Variants in MAST4 observed in about 807,000 individuals in gnomAD.
The protein encoded by MAST4 is microtubule-associated serine/threonine-protein kinase 4.
In MAST4, 89 loss-of-function variants were observed where a neutral mutation model predicts 162.7. That is an observed-to-expected ratio of 0.55 (90% confidence interval 0.46 to 0.65). MAST4 has a LOEUF of 0.65. Among genes scored for constraint, MAST4 ranks in the 30% least tolerant of loss-of-function variants. The probability of loss-of-function intolerance (pLI) is 0.00; values close to 1 mark genes in which losing one functional copy is unlikely to be tolerated. For synonymous variants in MAST4, 1,479 were observed against 1,361.1 expected, an observed-to-expected ratio of 1.09 and a Z score of -1.91; for missense variants, 3,153 against 3,374.0, an observed-to-expected ratio of 0.93 and a Z score of 1.62.
intron 3 of MAST4, among the ~76,000 whole-genome samples, chr5:66,832,793 A>G (rs1210985201): frequency 6.6e-6 from 1 of 152,216 alleles, no homozygotes; most frequent in Non-Finnish European, 1.5e-5. Context: ...AGATTATAAT[A>G]GAAACATTTA....
intron 2 of MAST4, among the ~76,000 whole-genome samples, chr5:66,773,638 A>G (rs1257768654): frequency 6.6e-6 from 1 of 152,214 alleles, no homozygotes; most frequent in Non-Finnish European, 1.5e-5. Context: ...CTGCTCCCTC[A>G]TGAATGGGAC....
At chr5:66,778,363 G>C (rs942142201) in intron 2 of MAST4, among the ~76,000 whole-genome samples, 1 of 152,130 alleles carries the variant, frequency 6.6e-6, no homozygotes, top group African/African-American at 2.4e-5. Flanking sequence ...GGCCAGGGCT[G>C]GGCCTCATTG....
chr5:66,672,861 A>G (rs979633629), intron 1 of MAST4, among the ~76,000 whole-genome samples: 33 of 152,188 alleles, frequency 2.2e-4, no homozygotes, highest in African/African-American at 7.2e-4. Flanking sequence ...ATAATACTTA[A>G]TGCCTGATTG....
At chr5:66,694,517 C>T (rs944523237) in intron 1 of MAST4, among the ~76,000 whole-genome samples, 5 of 151,350 alleles carry the variant, frequency 3.3e-5, no homozygotes, top group Non-Finnish European at 5.9e-5. Context: ...GTTGGAATCT[C>T]GCTGTGTTGA....
At chr5:67,156,587 G>GTA (rs1287444224) in intron 26 of MAST4, among the ~76,000 whole-genome samples, 1 of 152,248 alleles carries the variant, frequency 6.6e-6, no homozygotes, top group African/African-American at 2.4e-5. Flanking sequence ...TGGCAATTCA[G>GTA]TATATAGTCA....
At chr5:66,759,667 T>A (rs1753741290) in intron 1 of MAST4, 42 bp from the exon 2 acceptor site, 1 of 1,608,900 alleles carries the variant, frequency 6.2e-7, no homozygotes, top group Non-Finnish European at 8.5e-7. Flanking sequence ...CTAGGCTGTG[T>A]TGATGCCCTA....
In MAST4 at chr5:67,165,179, G is replaced by A; in HGVS notation, c.6000G>A (p.Leu2000=). The change falls in exon 29 of 29, where the codon CTG becomes CTA. Residue 2000 remains leucine, a synonymous_variant. Transcript: ENST00000403625. ...ADTCREPSME[L]CFPETAKTSD... ...CATGCAGAGAGCCCTCCATGGAACTGTGCTTTCCAGAAACTGCGAAAACCA... is the reference window on the plus strand; with the variant it reads ...CATGCAGAGAGCCCTCCATGGAACTATGCTTTCCAGAAACTGCGAAAACCA... 6.2e-7 allele frequency: 1 copy of A among 1,605,580 alleles called. No homozygotes were observed. Among genetic ancestry groups the A allele is most frequent in the South Asian group, 1.1e-5 (1 of 89,698 alleles).
Position 67,163,421 on chromosome 5 carries a change from C to G in MAST4, c.4242C>G (p.Pro1414=). The part of the protein sequence containing the change: ...LGNSKIAQAF[P]SKMHSPPTIV... ...ATTCCAAGATCGCGCAAGCCTTTCC[C>G]AGCAAGATGCACTCCCCGCCCACCA... Residue 1414 remains proline (P), a synonymous_variant, in exon 29 of 29, where the codon CCC becomes CCG. Coordinates refer to ENST00000403625, the MANE Select transcript of MAST4 (RefSeq NM_001164664.2). This position sits in a 1 kb window ranked among gnomAD's most constrained non-coding sequence, Gnocchi z 7.0. 6.2e-7 allele frequency: 1 copy of G among 1,613,146 alleles called. No individual in the cohort carries two copies. The highest frequency in any genetic ancestry group is 8.5e-7 in the Non-Finnish European group (1 of 1,179,896).
chr5:66,756,624 G>C (rs765432878), intron 1 of MAST4, among the ~76,000 whole-genome samples: 4 of 152,364 alleles, frequency 2.6e-5, no homozygotes, highest in Non-Finnish European at 5.9e-5. Context: ...GTGTGATGAA[G>C]TGTCTTAAAA....
chr5:66,861,948 A>C (rs767665989), intron 3 of MAST4, among the ~76,000 whole-genome samples: 2 of 152,166 alleles, frequency 1.3e-5, no homozygotes, highest in Non-Finnish European at 2.9e-5. Flanking sequence ...TTCACATAGG[A>C]ACCTGTGTGG....
intron 1 of MAST4, among the ~76,000 whole-genome samples, chr5:66,635,201 C>T (rs1019289582): frequency 1.3e-5 from 2 of 152,178 alleles, no homozygotes; most frequent in Admixed American, 6.5e-5. Context: ...CCTGAACAGC[C>T]GCCATTTCCA....
At chr5:66,664,188 C>T (rs1213217673) in intron 1 of MAST4, among the ~76,000 whole-genome samples, 4 of 152,012 alleles carry the variant, frequency 2.6e-5, no homozygotes, top group African/African-American at 9.7e-5. Context: ...GTAATCCCAG[C>T]ACTTTGGGAG....
At chr5:66,674,965 A>C (rs1263449144) in intron 1 of MAST4, among the ~76,000 whole-genome samples, 1 of 152,228 alleles carries the variant, frequency 6.6e-6, no homozygotes, top group Non-Finnish European at 1.5e-5. Flanking sequence ...GAGGCCAGGC[A>C]GCTAAGAACA....
intron 1 of MAST4, among the ~76,000 whole-genome samples, chr5:66,699,006 A>G (rs1749590550): frequency 1.3e-5 from 2 of 152,212 alleles, no homozygotes; most frequent in South Asian, 4.1e-4. Flanking sequence ...AGTATAAACC[A>G]GTTTATATCA....
At position 67,118,713 on chromosome 5, in the gene MAST4, G is replaced by A; in HGVS notation, c.1623G>A (p.Gly541=). The A allele has an allele frequency of 1.3e-6, 2 of 1,578,750 alleles. No individual in the cohort carries two copies. The highest frequency in any genetic ancestry group is 1.7e-6 in the Non-Finnish European group (2 of 1,159,424). The change falls in exon 13 of 29, where the codon GGG becomes GGA. Residue 541 remains glycine (G), a synonymous_variant. Transcript: ENST00000403625. ...EMAHLGNYDS[G]TAETPETDES... ...CTCATTTGGGAAACTACGATAGTGG[G>A]ACAGCAGAAACACCAGAAACAGATG...
At chr5:67,160,048 A>G (rs777491051) in intron 26 of MAST4, among the ~76,000 whole-genome samples, 3 of 152,242 alleles carry the variant, frequency 2.0e-5, no homozygotes, top group Non-Finnish European at 2.9e-5. Context: ...AGAAGTAGTT[A>G]TCTTATTTAT....
intron 4 of MAST4, among the ~76,000 whole-genome samples, chr5:66,961,652 T>G (rs1316090614): frequency 6.6e-6 from 1 of 152,226 alleles, no homozygotes; most frequent in Non-Finnish European, 1.5e-5. Context: ...CTTTTTTCAT[T>G]GTAAGTATAG....
intron 3 of MAST4, among the ~76,000 whole-genome samples, chr5:66,840,237 C>T (rs1021808827): frequency 2.0e-5 from 3 of 151,908 alleles, no homozygotes; most frequent in African/African-American, 7.2e-5. Flanking sequence ...AGAAATATTT[C>T]ATTTTATATT....
chr5:67,059,111 G>A (rs1759233309), intron 5 of MAST4, among the ~76,000 whole-genome samples: 1 of 152,138 alleles, frequency 6.6e-6, no homozygotes, highest in Admixed American at 6.5e-5. Flanking sequence ...ACAGATTTAG[G>A]TCATTGCCTT....
Sources: allele counts gnomAD v4.1 joint callset (sites outside exome capture counted in the v4.1 genomes callset), GRCh38; gene constraint gnomAD v4.1.1; non-coding constraint Gnocchi (gnomAD v3.1); transcripts MANE v1.5; gene names NCBI Gene and HGNC (gene_info 2026-07-23, HGNC 2026-07-21).